HCN1: variants seen among roughly 807,000 people sequenced by gnomAD.
HCN1 encodes the protein potassium/sodium hyperpolarization-activated cyclic nucleotide-gated channel 1.
HCN1 carries 13 observed loss-of-function variants against 78.9 expected under a neutral mutation model. That is an observed-to-expected ratio of 0.16 (90% CI 0.11 to 0.26). The LOEUF is 0.26. Among genes scored for constraint, HCN1 ranks in the 10% least tolerant of loss-of-function variants. The pLI is 1.00. For synonymous variants in HCN1, 552 were observed against 455.5 expected (o/e 1.21, Z -2.70); for missense variants, 810 against 1,154.3 (o/e 0.70, Z 4.32).
At chr5:45,304,817 T>C (rs1206391423) in intron 5 of HCN1, among the ~76,000 whole-genome samples, 1 of 152,160 alleles carries the variant, frequency 6.6e-6, no homozygotes, top group African/African-American at 2.4e-5. Flanking sequence ...ACTTGTTTGT[T>C]TTATTCCAGG....
At chr5:45,455,294 A>G (rs1031200429) in intron 3 of HCN1, among the ~76,000 whole-genome samples, 7 of 152,090 alleles carry the variant, frequency 4.6e-5, no homozygotes, top group Non-Finnish European at 8.8e-5. Context: ...CAGAGCTCTC[A>G]ATTCAAATTC....
intron 2 of HCN1, among the ~76,000 whole-genome samples, chr5:45,619,725 A>G (rs1447947164): frequency 1.3e-5 from 2 of 152,102 alleles, no homozygotes; most frequent in Non-Finnish European, 2.9e-5. Context: ...TAGTGGACTA[A>G]ACTTTAAGGA....
At chr5:45,372,173 A>G (rs374968454) in intron 4 of HCN1, among the ~76,000 whole-genome samples, 15,119 of 66,080 alleles carry the variant, frequency 0.23, 2,563 homozygotes, top group African/African-American at 0.51. Context: ...ATATATAATT[A>G]TATTATAATA....
intron 2 of HCN1, among the ~76,000 whole-genome samples, chr5:45,523,104 T>C (rs1345981197): frequency 1.3e-5 from 2 of 151,138 alleles, no homozygotes; most frequent in African/African-American, 2.4e-5. Context: ...TGAGAACATG[T>C]GGTGTTTGGT....
At chr5:45,575,482 G>A (rs907135607) in intron 2 of HCN1, 5 of 151,956 alleles carry the variant, frequency 3.3e-5, no homozygotes, top group African/African-American at 4.8e-5. Context: ...GCTAAATGAC[G>A]AGTTAATGGG....
chr5:45,510,052 G>A (rs1742380783), intron 2 of HCN1, among the ~76,000 whole-genome samples: 1 of 152,006 alleles, frequency 6.6e-6, no homozygotes, highest in African/African-American at 2.4e-5. Context: ...CTTCACATCC[G>A]ACATCATTTT....
At chr5:45,658,217 C>T (rs1745816803) in intron 1 of HCN1, among the ~76,000 whole-genome samples, 3 of 152,166 alleles carry the variant, frequency 2.0e-5, no homozygotes, top group South Asian at 2.1e-4. Context: ...CCCTTCCTTA[C>T]ACCTTACACA....
intron 3 of HCN1, among the ~76,000 whole-genome samples, chr5:45,407,556 G>C (rs143480557): frequency 2.0e-5 from 3 of 151,908 alleles, no homozygotes; most frequent in Non-Finnish European, 4.4e-5. Context: ...TCTCACTCTC[G>C]TTCCACAGGC....
intron 5 of HCN1, among the ~76,000 whole-genome samples, chr5:45,336,226 T>A (rs1468567168): frequency 6.6e-6 from 1 of 151,998 alleles, no homozygotes; most frequent in Non-Finnish European, 1.5e-5. Flanking sequence ...CTCATACATT[T>A]GACTAGACAC....
chr5:45,525,325 G>A (rs1298649143), intron 2 of HCN1, among the ~76,000 whole-genome samples: 1 of 151,834 alleles, frequency 6.6e-6, no homozygotes, highest in Non-Finnish European at 1.5e-5. Context: ...AACATACAAA[G>A]TATTATAGTT....
In HCN1 at chr5:45,367,960, A is replaced by G. The variant is rs1192579941; in HGVS notation, c.1231-14714T>C. Among the ~76,000 whole-genome samples the G allele has an allele frequency of 3.3e-5, 5 of 151,954 alleles. No homozygotes were observed. In the Admixed American group the frequency reaches 3.3e-4, roughly 10 times the overall value. On this transcript the variant is annotated intron_variant, in intron 4 of 7. Transcript: ENST00000303230. ...TGAATTGGCTGTTATGGGTTATGCA[A>G]AGTAAAGAAGTGAAATGCAAGAAAT...
At chr5:45,635,511 C>T (rs1002765581) in intron 2 of HCN1, among the ~76,000 whole-genome samples, 1 of 152,066 alleles carries the variant, frequency 6.6e-6, no homozygotes, top group African/African-American at 2.4e-5. Context: ...ATCTGGAGCC[C>T]TGGGACCAGT....
chr5:45,493,104 C>A (rs1741925928), intron 2 of HCN1, among the ~76,000 whole-genome samples: 1 of 151,956 alleles, frequency 6.6e-6, no homozygotes, highest in African/African-American at 2.4e-5. Flanking sequence ...ACTAGGCACA[C>A]CTTATAAATA....
intron 5 of HCN1, among the ~76,000 whole-genome samples, chr5:45,311,021 A>G (rs900709020): frequency 6.6e-6 from 1 of 152,134 alleles, no homozygotes; most frequent in Admixed American, 6.6e-5. Flanking sequence ...CGGAGGGTGG[A>G]AGGAGGGATA....
intron 5 of HCN1, among the ~76,000 whole-genome samples, chr5:45,339,648 TG>T (rs1746534142): frequency 6.6e-6 from 1 of 152,166 alleles, no homozygotes. Context: ...ATGGTAGCTC[TG>T]TAATGGAATG....
chr5:45,654,871 C>T (rs1008872236), intron 1 of HCN1, among the ~76,000 whole-genome samples: 6 of 152,038 alleles, frequency 3.9e-5, no homozygotes, highest in African/African-American at 1.4e-4. Context: ...AGATTTTTCC[C>T]TCATTGCTAT....
chr5:45,414,608 C>T (rs1300411496), intron 3 of HCN1, among the ~76,000 whole-genome samples: 1 of 152,066 alleles, frequency 6.6e-6, no homozygotes, highest in Non-Finnish European at 1.5e-5. Flanking sequence ...GACAGAAGAA[C>T]AGCTGAACAG....
chr5:45,621,849 GC>G (rs1180710235), intron 2 of HCN1, among the ~76,000 whole-genome samples: 7 of 151,970 alleles, frequency 4.6e-5, no homozygotes, highest in African/African-American at 1.7e-4. Flanking sequence ...CCTAATATAA[GC>G]ATTTGAGTAT....
intron 5 of HCN1, among the ~76,000 whole-genome samples, chr5:45,323,020 G>A (rs373281488): frequency 1.3e-4 from 19 of 151,876 alleles, no homozygotes; most frequent in African/African-American, 4.3e-4. Context: ...TTTATTTAAC[G>A]TTAACCCATT....
Sources: allele counts gnomAD v4.1 joint callset (sites outside exome capture counted in the v4.1 genomes callset), GRCh38; gene constraint gnomAD v4.1.1; transcripts MANE v1.5; gene names NCBI Gene and HGNC (gene_info 2026-07-23, HGNC 2026-07-21).